The following PCDHGA3 variants were observed in gnomAD, a reference collection of about 807,000 sequenced individuals.
The protein encoded by PCDHGA3 is protocadherin gamma subfamily A, 3.
In PCDHGA3, 40 loss-of-function variants were observed where a neutral mutation model predicts 58.5. The observed-to-expected ratio is 0.68, with a 90% confidence interval of 0.53 to 0.89. The LOEUF (loss-of-function observed/expected upper bound fraction) is 0.89, where lower values mean the gene tolerates loss of function less well. PCDHGA3 is among the 40% of genes least tolerant of loss of function. The pLI is 0.00. For missense variants in PCDHGA3, 1,223 were observed against 1,195.9 expected (o/e 1.02, Z -0.33); for synonymous variants, 530 against 525.7 (o/e 1.01, Z -0.11).
intron 1 of PCDHGA3, chr5:141,426,778 C>A (rs780981970): frequency 2.2e-6 from 1 of 456,716 alleles, no homozygotes; most frequent in South Asian, 1.5e-5. Context: ...GGGCCTCACT[C>A]TCTCCAGAGT....
chr5:141,396,477 A>C (rs920260792), intron 1 of PCDHGA3: 1 of 152,040 alleles, frequency 6.6e-6, no homozygotes, highest in Non-Finnish European at 1.5e-5. Context: ...AAAATTAGCC[A>C]GGCATGGTGG....
chr5:141,370,484 C>T (rs750551260), intron 1 of PCDHGA3: 2 of 1,613,746 alleles, frequency 1.2e-6, no homozygotes, highest in African/African-American at 2.7e-5. Flanking sequence ...AGGCTCTCTC[C>T]GAACCGATCC....
At chr5:141,381,850 G>T (rs1777668389) in intron 1 of PCDHGA3, among the ~76,000 whole-genome samples, 3 of 33,314 alleles carry the variant, frequency 9.0e-5, no homozygotes, top group Non-Finnish European at 5.3e-5. Flanking sequence ...TTTTTTTTTG[G>T]CAGAGTTTTG....
intron 1 of PCDHGA3, chr5:141,393,481 C>A (rs368525192): frequency 6.2e-7 from 1 of 1,614,066 alleles, no homozygotes; most frequent in Non-Finnish European, 8.5e-7. Flanking sequence ...CCGCCTCGCT[C>A]TAGCACAGTG....
intron 1 of PCDHGA3, chr5:141,377,686 C>T (rs766172227): frequency 1.1e-4 from 16 of 151,986 alleles, no homozygotes; most frequent in African/African-American, 2.9e-4. Context: ...AGATCTTTCA[C>T]CTTTACTACT....
At chr5:141,440,732 A>C (rs2154559008) in intron 1 of PCDHGA3, 1 of 152,346 alleles carries the variant, frequency 6.6e-6, no homozygotes, top group African/African-American at 2.4e-5. Context: ...GTGTTAGAGA[A>C]GCTGCTTGAC....
At chr5:141,400,776 GT>G (rs1167512157) in intron 1 of PCDHGA3, 17 of 557,594 alleles carry the variant, frequency 3.0e-5, no homozygotes, top group East Asian at 1.8e-4. Flanking sequence ...CATTTGGTGC[GT>G]TTTTTTGTCC....
At chr5:141,383,709 C>T in intron 1 of PCDHGA3, 1 of 1,613,896 alleles carries the variant, frequency 6.2e-7, no homozygotes, top group Non-Finnish European at 8.5e-7. Context: ...TCGACCTGGA[C>T]GAGGGAGTCA....
intron 2 of PCDHGA3, among the ~76,000 whole-genome samples, chr5:141,503,239 C>G (rs1364808315): frequency 6.6e-6 from 1 of 152,088 alleles, no homozygotes; most frequent in Non-Finnish European, 1.5e-5. Flanking sequence ...TGGACAGTTT[C>G]TATCATACTC....
chr5:141,464,402 G>GAT (rs1039725208), intron 1 of PCDHGA3, among the ~76,000 whole-genome samples: 22 of 150,720 alleles, frequency 1.5e-4, no homozygotes, highest in Admixed American at 7.3e-4. Context: ...AAGAACCTGA[G>GAT]ATATATATAT....
rs2099427641 is a variant in PCDHGA3, at chr5:141,477,974, G to T, written c.2425-16833G>T. The T allele has an allele frequency of 1.2e-6, 2 of 1,614,034 alleles. No homozygotes were observed. The highest frequency in any genetic ancestry group is 1.6e-4 in the Middle Eastern group (1 of 6,062). On this transcript the variant is annotated intron_variant, in intron 1 of 3. Transcript: ENST00000253812. This position sits in a 1 kb window ranked among gnomAD's most constrained non-coding sequence, Gnocchi z 4.9. ...GGGATCCCCTAACCAGAGCCTTTTT[G>T]CCATAGGGCTGCACACTGGTCAAAT...
chr5:141,500,430 C>T (rs2099800127), intron 2 of PCDHGA3, among the ~76,000 whole-genome samples: 1 of 151,676 alleles, frequency 6.6e-6, no homozygotes, highest in African/African-American at 2.4e-5. Context: ...AGGATGGTCT[C>T]GATCTCCTGA....
chr5:141,352,790 G>A, intron 1 of PCDHGA3: 2 of 1,007,032 alleles, frequency 2.0e-6, no homozygotes, highest in South Asian at 1.6e-5. Context: ...AGGAGTTTGA[G>A]ACCAGCATAG....
chr5:141,486,489 G>T lies in PCDHGA3; in HGVS notation c.2425-8318G>T. 2 of 1,614,060 alleles carry T rather than the reference G, an allele frequency of 1.2e-6. No homozygotes were observed. The highest frequency in any genetic ancestry group is 1.7e-6 in the Non-Finnish European group (2 of 1,179,892). ...GGGAACCCTCCTCTCAGTACCCACA[G>T]AACTATTTTCCTCAATATTTCAGAT... On this transcript the variant is annotated intron_variant, in intron 1 of 3. Coordinates refer to ENST00000253812, the MANE Select transcript of PCDHGA3 (RefSeq NM_018916.4). The surrounding 1 kb of genome is among the most constrained non-coding windows in gnomAD (Gnocchi z 5.0).
At chr5:141,370,483 C>T in intron 1 of PCDHGA3, 1 of 1,613,876 alleles carries the variant, frequency 6.2e-7, no homozygotes, top group East Asian at 2.2e-5. Flanking sequence ...CAGGCTCTCT[C>T]CGAACCGATC....
At chr5:141,488,478 A>T (rs1251914951) in intron 1 of PCDHGA3, among the ~76,000 whole-genome samples, 5 of 152,072 alleles carry the variant, frequency 3.3e-5, no homozygotes, top group African/African-American at 4.8e-5. Flanking sequence ...ATGTTCCCCT[A>T]CCCAAAAACT....
At chr5:141,346,780 G>GTAAC (rs1472038349) in intron 1 of PCDHGA3, among the ~76,000 whole-genome samples, 1 of 152,222 alleles carries the variant, frequency 6.6e-6, no homozygotes, top group Non-Finnish European at 1.5e-5. Flanking sequence ...GGGTCCTTGA[G>GTAAC]TAACTATGAT....
At chr5:141,372,205 T>C (rs750507972) in intron 1 of PCDHGA3, 2 of 1,613,426 alleles carry the variant, frequency 1.2e-6, no homozygotes, top group African/African-American at 2.7e-5. Context: ...AACGCCTGGC[T>C]GTCCTACCAC....
rs768286784 is a variant in PCDHGA3 at position 141,361,660 on chromosome 5, G to T, written c.2424+15203G>T. The T allele has an allele frequency of 5.6e-6, 9 of 1,613,754 alleles. 1 individual carries two copies. The highest frequency in any genetic ancestry group is 2.2e-5 in the East Asian group (1 of 44,882). ...GATTTTATCCTACGTGTCCGTGAGC[G>T]CGCAGAGCGGGGTGGTGTTCGCGCA... On this transcript the variant is annotated intron_variant, in intron 1 of 3. Transcript: ENST00000253812.
Sources: allele counts gnomAD v4.1 joint callset (sites outside exome capture counted in the v4.1 genomes callset), GRCh38; gene constraint gnomAD v4.1.1; non-coding constraint Gnocchi (gnomAD v3.1); transcripts MANE v1.5; gene names NCBI Gene and HGNC (gene_info 2026-07-23, HGNC 2026-07-21).